The following SLC12A1 variants were observed in gnomAD, a reference collection of about 807,000 sequenced individuals.
SLC12A1 encodes the protein solute carrier family 12 member 1, also known as Na-K-2Cl cotransporter.
In SLC12A1, 89 loss-of-function variants were observed where a neutral mutation model predicts 130.4. The ratio of observed to expected loss-of-function variants is 0.68; its 90% confidence interval spans 0.58 to 0.81. The LOEUF is 0.81. Ranked by LOEUF, SLC12A1 falls within the 40% of genes least tolerant of loss-of-function variation. The pLI, the probability that SLC12A1 is intolerant of heterozygous loss-of-function variation, is 0.00. For missense variants in SLC12A1, 1,310 were observed against 1,336.4 expected, an observed-to-expected ratio of 0.98 and a Z score of 0.31; for synonymous variants, 499 against 460.0, an observed-to-expected ratio of 1.08 and a Z score of -1.09.
chr15:48,216,388 G>C (rs1401187387), intron 2 of SLC12A1, among the ~76,000 whole-genome samples: 1 of 152,146 alleles, frequency 6.6e-6, no homozygotes, highest in East Asian at 1.9e-4. Context: ...TGTAAGATTT[G>C]TTTACAGTCT....
chr15:48,220,906 C>T lies in SLC12A1; in HGVS notation c.553-15C>T. On this transcript the variant is annotated splice_polypyrimidine_tract_variant and intron_variant, in intron 3 of 26. Coordinates refer to ENST00000380993, the MANE Select transcript of SLC12A1 (RefSeq NM_000338.3). ...CGTTTGTCCTGTCTCCTTTCAATAC[C>T]GCTTCTATCCACAGGTAAGATGCAT... The T allele has an allele frequency of 1.9e-6, 3 of 1,613,322 alleles. No individual in the cohort carries two copies. Among genetic ancestry groups the T allele is most frequent in the East Asian group, 2.2e-5 (1 of 44,876 alleles).
intron 2 of SLC12A1, among the ~76,000 whole-genome samples, chr15:48,215,589 G>GCTGGGAGA (rs1208114848): frequency 1.3e-5 from 2 of 152,160 alleles, no homozygotes; most frequent in African/African-American, 4.8e-5. Context: ...ACATGAACCA[G>GCTGGGAGA]CTGGGAGACT....
rs528227074 is a variant in SLC12A1, at chr15:48,295,780, T to G, written c.2961-3360T>G. Among the ~76,000 whole-genome samples, 16 of 152,088 alleles carry G rather than the reference T, an allele frequency of 1.1e-4. No homozygotes were observed. In the South Asian group the frequency reaches 3.3e-3, roughly 32 times the overall value. On this transcript the variant is annotated intron_variant, in intron 24 of 26. Coordinates refer to ENST00000380993, the MANE Select transcript of SLC12A1 (RefSeq NM_000338.3). ...TGACGAAACAGGAGGCCACCAGGAG[T>G]GTGCTGGAAGAGCCATCCTCCTCTC...
At position 48,219,927 on chromosome 15, in the gene SLC12A1, G is replaced by A. The variant is rs995422006; in HGVS notation, c.421-707G>A. 7.9e-5 allele frequency among the ~76,000 whole-genome samples: 12 copies of A among 151,686 alleles called. No homozygotes were observed. The East Asian group carries it at 1.6e-3, about 20-fold the overall frequency. On this transcript the variant is annotated intron_variant, in intron 2 of 26. Coordinates refer to ENST00000380993, the MANE Select transcript of SLC12A1 (RefSeq NM_000338.3). ...AAATTAGCTGGGTGTGGTGGTGCGC[G>A]CCTGTAATCCCAGCTACTAAAAATA...
intron 1 of SLC12A1, 101 bp from the exon 2 acceptor site, chr15:48,207,433 A>G (rs1567299393): frequency 4.7e-6 from 1 of 214,564 alleles, no homozygotes. Flanking sequence ...TGAGTTTAAA[A>G]TTGTATGTCT....
At position 48,230,472 on chromosome 15, in the gene SLC12A1, T is replaced by A; in HGVS notation, c.944T>A (p.Ile315Asn). Residue 315 changes from isoleucine to asparagine, a missense_variant, in exon 7 of 27, where the codon ATT becomes AAT. Physicochemically the swap from Ile to Asn is moderately radical, Grantham distance 149. Coordinates refer to ENST00000380993, the MANE Select transcript of SLC12A1 (RefSeq NM_000338.3). ...ATCACAGTGGTGATTCTTCTAGGAA[T>A]TTCAGTAGCTGGAATGGAATGGGAG... ...GSITVVILLG[I>N]SVAGMEWEAK... 1 of 1,612,170 alleles carries A rather than the reference T, an allele frequency of 6.2e-7. No homozygotes were observed. Among genetic ancestry groups the A allele is most frequent in the Non-Finnish European group, 8.5e-7 (1 of 1,179,016 alleles).
At chr15:48,293,112 T>A (rs1352459889) in intron 24 of SLC12A1, among the ~76,000 whole-genome samples, 3 of 152,180 alleles carry the variant, frequency 2.0e-5, no homozygotes, top group Non-Finnish European at 4.4e-5. Context: ...TTTCGCCATG[T>A]TGCCCAGGCT....
intron 1 of SLC12A1, among the ~76,000 whole-genome samples, 186 bp from the exon 2 acceptor site, chr15:48,207,348 A>G (rs2040993946): frequency 6.6e-6 from 1 of 152,224 alleles, no homozygotes; most frequent in Admixed American, 6.5e-5. Context: ...TTGCTGGAAC[A>G]GTTTTCCAGT....
chr15:48,242,944 G>A (rs527625950), intron 10 of SLC12A1, among the ~76,000 whole-genome samples: 2 of 152,220 alleles, frequency 1.3e-5, no homozygotes, highest in East Asian at 1.9e-4. Context: ...TAAATTTCCC[G>A]AGTGGTTTTC....
intron 24 of SLC12A1, among the ~76,000 whole-genome samples, chr15:48,294,347 C>CA (rs1202623612): frequency 0.015 from 662 of 45,582 alleles, 5 homozygotes; most frequent in South Asian, 0.023. Flanking sequence ...GACTACATCT[C>CA]AAAAAAAAAA....
In SLC12A1 at chr15:48,246,898, C is replaced by G; in HGVS notation, c.1453-11C>G. ...ACAGAAAGTCTCCTTACTTGTACCTCTCTTCTCAAGGTCATGAGCATGGTA... is the reference window on the plus strand; with the variant it reads ...ACAGAAAGTCTCCTTACTTGTACCTGTCTTCTCAAGGTCATGAGCATGGTA... On this transcript the variant is annotated splice_polypyrimidine_tract_variant and intron_variant, in intron 11 of 26. Transcript: ENST00000380993. The G allele has an allele frequency of 3.1e-6, 5 of 1,597,604 alleles. No homozygotes were observed. The highest frequency in any genetic ancestry group is 4.3e-6 in the Non-Finnish European group (5 of 1,164,918).
In SLC12A1 at chr15:48,246,951, G is replaced by A. The variant is rs1295685683; in HGVS notation, c.1495G>A (p.Gly499Arg). The change falls in exon 12 of 27, where the codon GGA (glycine) becomes AGA (arginine). Residue 499 changes from glycine (G) to arginine (R), a missense_variant. Coordinates refer to ENST00000380993, the MANE Select transcript of SLC12A1 (RefSeq NM_000338.3). ...AGGGTTCGGCCCCCTCATCACTGCG[G>A]GAATCTTTTCTGCAACACTCTCCTC... ...VSGFGPLITA[G>R]IFSATLSSAL... 3 of 1,613,956 alleles carry A rather than the reference G, an allele frequency of 1.9e-6. No homozygotes were observed. The highest frequency in any genetic ancestry group is 1.7e-6 in the Non-Finnish European group (2 of 1,179,876).
intron 2 of SLC12A1, among the ~76,000 whole-genome samples, chr15:48,215,737 A>C (rs1305499566): frequency 6.6e-6 from 1 of 152,244 alleles, no homozygotes; most frequent in African/African-American, 2.4e-5. Context: ...GAGTGAAACA[A>C]AGGTTTGCTT....
chr15:48,302,957 T>G lies in SLC12A1; in HGVS notation c.*72T>G. 1 of 1,198,316 alleles carries G rather than the reference T, an allele frequency of 8.3e-7. No individual in the cohort carries two copies. Among genetic ancestry groups the G allele is most frequent in the Non-Finnish European group, 1.2e-6 (1 of 840,450 alleles). The allele number at this position is 1,198,316 out of a possible 1,614,324, so 74.2% of individuals were successfully genotyped here. ...AAGAAACATGTTCCAGTACTTTATG[T>G]TGTAAATCTGATCTATGGATATGCA... On this transcript the variant is annotated 3_prime_UTR_variant, in exon 27 of 27. Coordinates refer to ENST00000380993, the MANE Select transcript of SLC12A1 (RefSeq NM_000338.3).
At chr15:48,219,580 A>G (rs1417854542) in intron 2 of SLC12A1, among the ~76,000 whole-genome samples, 1 of 151,044 alleles carries the variant, frequency 6.6e-6, no homozygotes, top group Non-Finnish European at 1.5e-5. Context: ...AGAAAGATGA[A>G]AAAAGAAAGA....
Position 48,288,471 on chromosome 15 carries a change from T to A in SLC12A1, c.2828T>A (p.Ile943Asn). The change falls in exon 23 of 27, where the codon ATC becomes AAC. Residue 943 changes from isoleucine (I) to asparagine (N), a missense_variant. By Grantham distance (149) the Ile-to-Asn change is moderately radical. Coordinates refer to ENST00000380993, the MANE Select transcript of SLC12A1 (RefSeq NM_000338.3). ...AAATGGAAAGACTGTAAATTAAGAA[T>A]CTATGTGGGAGGGAAGATCAACCGC... ...RKKWKDCKLR[I>N]YVGGKINRIE... 1 of 1,554,904 alleles carries A rather than the reference T, an allele frequency of 6.4e-7. No homozygotes were observed. Among genetic ancestry groups the A allele is most frequent in the Non-Finnish European group, 8.7e-7 (1 of 1,146,648 alleles).
At chr15:48,208,758 C>T (rs1025762702) in intron 2 of SLC12A1, among the ~76,000 whole-genome samples, 1 of 152,180 alleles carries the variant, frequency 6.6e-6, no homozygotes, top group Admixed American at 6.5e-5. Flanking sequence ...GGTTTCACGT[C>T]AGTATTAATG....
At chr15:48,235,057 G>A in intron 9 of SLC12A1, 53 bp downstream of exon 9, 1 of 1,585,770 alleles carries the variant, frequency 6.3e-7, no homozygotes, top group Non-Finnish European at 8.6e-7. Context: ...CACTTGGTGG[G>A]TAGCACAAGG....
At chr15:48,273,306 G>A (rs183594673) in intron 19 of SLC12A1, among the ~76,000 whole-genome samples, 2 of 152,076 alleles carry the variant, frequency 1.3e-5, no homozygotes, top group African/African-American at 2.4e-5. Flanking sequence ...GGCTGGTCAA[G>A]TTCCTCTCAC....
Sources: gnomAD v4.1 joint callset for allele counts (sites outside exome capture counted in the v4.1 genomes callset) on GRCh38, gnomAD v4.1.1 for gene constraint, MANE v1.5 for transcripts, NCBI Gene and HGNC (gene_info 2026-07-23, HGNC 2026-07-21) for gene names.